Variants in SEC22A observed in about 807,000 individuals in gnomAD.
The protein encoded by SEC22A is SEC22 homolog A, vesicle trafficking protein.
SEC22A carries 22 observed loss-of-function variants against 35.3 expected under a neutral mutation model. The observed-to-expected ratio is 0.62, with a 90% CI of 0.45 to 0.89. The LOEUF (loss-of-function observed/expected upper bound fraction) is 0.89. SEC22A is among the 40% of genes least tolerant of loss of function. SEC22A has a pLI of 0.00. For synonymous variants in SEC22A, 119 were observed against 129.5 expected (o/e 0.92, Z 0.55); for missense variants, 354 against 362.5 (o/e 0.98, Z 0.19).
At chr3:123,241,073 A>AT (rs540710833) in intron 4 of SEC22A, among the ~76,000 whole-genome samples, 1 of 149,058 alleles carries the variant, frequency 6.7e-6, no homozygotes, top group Non-Finnish European at 1.5e-5. Context: ...GGTATTTATC[A>AT]TTTTTTTTCT....
chr3:123,213,339 C>T (rs1369708070), intron 2 of SEC22A, among the ~76,000 whole-genome samples: 2 of 152,114 alleles, frequency 1.3e-5, no homozygotes, highest in African/African-American at 4.8e-5. Context: ...ATTCTCACAC[C>T]ACAACTGTTT....
At chr3:123,203,263 C>T (rs1307769389) in intron 1 of SEC22A, among the ~76,000 whole-genome samples, 1 of 151,832 alleles carries the variant, frequency 6.6e-6, no homozygotes, top group Non-Finnish European at 1.5e-5. Context: ...AAAAATTCCT[C>T]AAGCTTTCTG....
intron 6 of SEC22A, among the ~76,000 whole-genome samples, chr3:123,269,174 AAT>A (rs200023106): frequency 8.2e-4 from 68 of 83,198 alleles, no homozygotes; most frequent in Admixed American, 2.5e-3. Flanking sequence ...CCTTGAATTA[AAT>A]ATATGTGTGT....
intron 2 of SEC22A, among the ~76,000 whole-genome samples, chr3:123,221,364 A>C (rs1389180920): frequency 6.7e-6 from 1 of 148,348 alleles, no homozygotes. Flanking sequence ...CCAGCTACTC[A>C]GGAGGCTGAG....
chr3:123,273,808 C>CAAAAAAAAAAAAAAAAAAAA lies in SEC22A; in HGVS notation c.*2092_*2093insAAAAAAAAAAAAAAAAAAAA, dbSNP rs1433321578. 6 of 151,632 alleles carry CAAAAAAAAAAAAAAAAAAAA rather than the reference C, an allele frequency of 4.0e-5. No homozygotes were observed. Among genetic ancestry groups the CAAAAAAAAAAAAAAAAAAAA allele is most frequent in the African/African-American group, 1.2e-4 (5 of 41,040 alleles). The allele number at this position is 151,632 out of a possible 1,614,324, so 9.4% of individuals were successfully genotyped here. A position where few individuals can be genotyped will look rare whatever the true frequency, so the allele number is the denominator to read the frequency against. ...TGGCCAACAGAGCGAGACTCTGTCTCAAAAAAGAAAGGTTTTCTAAACTAA... is the reference window on the plus strand; with the variant it reads ...TGGCCAACAGAGCGAGACTCTGTCTCAAAAAAAAAAAAAAAAAAAAAAAAAAGAAAGGTTTTCTAAACTAA... On this transcript the variant is annotated 3_prime_UTR_variant, in exon 7 of 7. Coordinates refer to ENST00000492595, the MANE Select transcript of SEC22A (RefSeq NM_012430.5).
rs189469499 is a variant in SEC22A at position 123,249,618 on chromosome 3, A to C, written c.657+3604A>C. 1.6e-4 allele frequency among the ~76,000 whole-genome samples: 25 copies of C among 152,188 alleles called. No homozygotes were observed. In the East Asian group the frequency reaches 2.9e-3, roughly 18 times the overall value. On this transcript the variant is annotated intron_variant, in intron 5 of 6. Transcript: ENST00000492595. Reference sequence around the variant, plus strand: ...CGGCTCACTGCAGCCTCTGCCTCCCAGGTTCAAGCGATTCTCCTGCCTCAG... The same window carrying C: ...CGGCTCACTGCAGCCTCTGCCTCCCCGGTTCAAGCGATTCTCCTGCCTCAG...
intron 5 of SEC22A, among the ~76,000 whole-genome samples, chr3:123,252,079 C>T (rs1158529879): frequency 6.6e-6 from 1 of 152,158 alleles, no homozygotes; most frequent in African/African-American, 2.4e-5. Flanking sequence ...CCGACTTAAC[C>T]TGAAAGAAAA....
chr3:123,245,565 G>A (rs1392868124), intron 4 of SEC22A, among the ~76,000 whole-genome samples: 1 of 152,040 alleles, frequency 6.6e-6, no homozygotes, highest in East Asian at 1.9e-4. Flanking sequence ...CAGGCATGGT[G>A]GCACGTGCCT....
At chr3:123,262,038 A>C (rs553361118) in intron 6 of SEC22A, among the ~76,000 whole-genome samples, 1 of 152,354 alleles carries the variant, frequency 6.6e-6, no homozygotes, top group Non-Finnish European at 1.5e-5. Flanking sequence ...TGCTTTCTAA[A>C]TATGATGAGC....
chr3:123,261,583 TTAATA>T (rs1435177859), intron 6 of SEC22A, among the ~76,000 whole-genome samples: 11 of 152,330 alleles, frequency 7.2e-5, no homozygotes, highest in South Asian at 2.1e-4. Context: ...TGTGAGGTAT[TTAATA>T]TAATTTTATG....
chr3:123,222,244 G>A lies in SEC22A; in HGVS notation c.183-1315G>A, dbSNP rs1308935298. Among the ~76,000 whole-genome samples the A allele has an allele frequency of 2.0e-5, 3 of 151,790 alleles. No homozygotes were observed. In the East Asian group the frequency reaches 5.8e-4, roughly 29 times the overall value. Reference sequence around the variant, plus strand: ...ACAGAGTCTCTCTCTTGTCACCCAGGCTGGAGTGCAATGGCGCAATCTCGG... The same window carrying A: ...ACAGAGTCTCTCTCTTGTCACCCAGACTGGAGTGCAATGGCGCAATCTCGG... On this transcript the variant is annotated intron_variant, in intron 2 of 6. Transcript: ENST00000492595.
intron 5 of SEC22A, among the ~76,000 whole-genome samples, chr3:123,249,993 A>G (rs756887739): frequency 7.2e-5 from 11 of 152,218 alleles, no homozygotes; most frequent in Non-Finnish European, 1.3e-4. Flanking sequence ...TGTGTCAGGA[A>G]TCAGGGGCAG....
chr3:123,217,508 C>T (rs368059443), intron 2 of SEC22A, among the ~76,000 whole-genome samples: 6 of 151,182 alleles, frequency 4.0e-5, no homozygotes, highest in East Asian at 1.9e-4. Context: ...CCACCGCACC[C>T]GGCCCAAAAC....
intron 2 of SEC22A, among the ~76,000 whole-genome samples, chr3:123,217,646 T>C (rs1937054848): frequency 6.6e-6 from 1 of 152,218 alleles, no homozygotes; most frequent in Admixed American, 6.5e-5. Flanking sequence ...AGTTTCTATG[T>C]ATAGTGGCAC....
intron 2 of SEC22A, among the ~76,000 whole-genome samples, chr3:123,212,382 ATATTT>A (rs1229356794): frequency 6.6e-6 from 1 of 152,144 alleles, no homozygotes; most frequent in Non-Finnish European, 1.5e-5. Flanking sequence ...AAATATTTCA[ATATTT>A]TATTTAATAG....
chr3:123,249,790 C>T (rs562600133), intron 5 of SEC22A, among the ~76,000 whole-genome samples: 1 of 152,198 alleles, frequency 6.6e-6, no homozygotes, highest in African/African-American at 2.4e-5. Context: ...TCCCAAAGTG[C>T]TGGGATTACA....
intron 4 of SEC22A, among the ~76,000 whole-genome samples, chr3:123,227,844 G>A (rs575039544): frequency 2.2e-4 from 33 of 151,854 alleles, no homozygotes; most frequent in African/African-American, 7.7e-4. Flanking sequence ...CAGTTACTCG[G>A]GAGACTGAGG....
chr3:123,203,825 G>A (rs920950859), intron 1 of SEC22A, among the ~76,000 whole-genome samples: 7 of 152,290 alleles, frequency 4.6e-5, no homozygotes, highest in African/African-American at 7.2e-5. Context: ...CGTGAACTAT[G>A]TGGCACTATA....
At position 123,209,428 on chromosome 3, in the gene SEC22A, C is replaced by A. The variant is rs201321468; in HGVS notation, c.182+29C>A. Reference sequence around the variant, plus strand: ...AGACTTCAGTTTGCTTCATTTGACTCATTTGCCCAGTAGTTGTCATTTTAA... The same window carrying A: ...AGACTTCAGTTTGCTTCATTTGACTAATTTGCCCAGTAGTTGTCATTTTAA... On this transcript the variant is annotated intron_variant, in intron 2 of 6. Transcript: ENST00000492595. 2.9e-5 allele frequency: 46 copies of A among 1,569,524 alleles called. 1 individual carries two copies. In the East Asian group the frequency reaches 9.5e-4, roughly 32 times the overall value.
Sources: gnomAD v4.1 joint callset for allele counts (sites outside exome capture counted in the v4.1 genomes callset) on GRCh38, gnomAD v4.1.1 for gene constraint, MANE v1.5 for transcripts, NCBI Gene and HGNC (gene_info 2026-07-23, HGNC 2026-07-21) for gene names.